Variants in FRMD3 observed in about 807,000 individuals in gnomAD.
FRMD3 encodes the protein FERM domain containing 3.
Under a neutral mutation model 70.2 loss-of-function variants are expected in FRMD3, and 33 were observed. The observed-to-expected ratio is 0.47, with a 90% CI of 0.36 to 0.63. The LOEUF (loss-of-function observed/expected upper bound fraction) is 0.63, where lower values mean the gene tolerates loss of function less well. FRMD3 is among the 20% of genes least tolerant of loss of function. The pLI is 0.00. For synonymous variants in FRMD3, 279 were observed against 255.9 expected, an observed-to-expected ratio of 1.09 and a Z score of -0.86; for missense variants, 632 against 711.4, an observed-to-expected ratio of 0.89 and a Z score of 1.27.
intron 1 of FRMD3, among the ~76,000 whole-genome samples, chr9:83,448,390 AG>A (rs937998981): frequency 1.3e-5 from 2 of 152,176 alleles, no homozygotes; most frequent in African/African-American, 4.8e-5. Flanking sequence ...TGATTCCATG[AG>A]GACTACCCCA....
At chr9:83,463,926 C>T (rs997274741) in intron 1 of FRMD3, among the ~76,000 whole-genome samples, 1 of 152,204 alleles carries the variant, frequency 6.6e-6, no homozygotes, top group Non-Finnish European at 1.5e-5. Flanking sequence ...GTCACTACAT[C>T]TCATAAGAAT....
chr9:83,391,183 T>C (rs1166121498), intron 1 of FRMD3, among the ~76,000 whole-genome samples: 1 of 152,238 alleles, frequency 6.6e-6, no homozygotes, highest in Non-Finnish European at 1.5e-5. Flanking sequence ...AGTTTTTAAC[T>C]TCCTTCCTGA....
At chr9:83,336,714 G>A (rs1034674055) in intron 5 of FRMD3, among the ~76,000 whole-genome samples, 7 of 143,480 alleles carry the variant, frequency 4.9e-5, no homozygotes, top group African/African-American at 1.9e-4. Context: ...TGGCCAAGAG[G>A]CCCCAGAGAA....
rs117143961 is a variant in FRMD3, at chr9:83,353,827, C to T, written c.296-4070G>A. Among the ~76,000 whole-genome samples the T allele has an allele frequency of 6.6e-3, 1,011 of 152,274 alleles. 6 individuals are homozygous for T. Among genetic ancestry groups the T allele is most frequent in the Middle Eastern group, 0.017 (5 of 294 alleles). ...CTTCTAGAGGCAGGATTGATTAGTT[C>T]AATCAGCAATGATCTATTGTTATAG... On this transcript the variant is annotated intron_variant, in intron 3 of 13. Transcript: ENST00000304195.
chr9:83,310,348 T>C (rs752652495), intron 9 of FRMD3, 137 bp downstream of exon 9: 1 of 742,200 alleles, frequency 1.3e-6, no homozygotes, highest in Non-Finnish European at 2.3e-6. Context: ...AAAATATTTT[T>C]AGCATATAGC....
chr9:83,556,728 T>G, the FRMD3 span, among the ~76,000 whole-genome samples: 1 of 152,048 alleles, frequency 6.6e-6, no homozygotes, highest in African/African-American at 2.4e-5. Flanking sequence ...CATTACTTAA[T>G]TCAACTTATT....
In FRMD3 at chr9:83,368,020, A is replaced by G. The variant is rs529746228; in HGVS notation, c.295+4893T>C. On this transcript the variant is annotated intron_variant, in intron 3 of 13. Transcript: ENST00000304195. ...GTTCTTCTATTATATATTGATAAAC[A>G]CAGCAACTTGGGTGAATCTCAGAGT... is the stretch of plus-strand genomic sequence containing the variant. Among the ~76,000 whole-genome samples, 5 of 152,288 alleles carry G rather than the reference A, an allele frequency of 3.3e-5. No homozygotes were observed. The East Asian group carries it at 9.7e-4, about 29-fold the overall frequency.
intron 4 of FRMD3, 85 bp downstream of exon 4, chr9:83,349,594 A>G (rs1824076343): frequency 1.1e-6 from 1 of 906,016 alleles, no homozygotes. Context: ...TCAGCTCTAG[A>G]CAGGAGGCCC....
chr9:83,530,715 T>C (rs1163722218), intron 1 of FRMD3, among the ~76,000 whole-genome samples: 2 of 152,158 alleles, frequency 1.3e-5, no homozygotes, highest in Non-Finnish European at 2.9e-5. Context: ...TTTTTTTTAA[T>C]AGCATGGACT....
At chr9:83,344,485 G>A (rs1587748197) in intron 4 of FRMD3, among the ~76,000 whole-genome samples, 2 of 152,294 alleles carry the variant, frequency 1.3e-5, no homozygotes, top group East Asian at 3.9e-4. Flanking sequence ...TAAAGCAGAT[G>A]ACCCTCCCCA....
chr9:83,375,527 A>C (rs1175259759), intron 2 of FRMD3, among the ~76,000 whole-genome samples: 1 of 152,224 alleles, frequency 6.6e-6, no homozygotes, highest in African/African-American at 2.4e-5. Context: ...AGCCAGCAAT[A>C]ATGTTTCAAG....
intron 3 of FRMD3, among the ~76,000 whole-genome samples, chr9:83,364,125 C>T (rs972835173): frequency 1.2e-4 from 18 of 152,006 alleles, no homozygotes; most frequent in Non-Finnish European, 2.5e-4. Flanking sequence ...TATATTGAGC[C>T]GTTCATCTGT....
chr9:83,260,811 A>G (rs991715734), intron 13 of FRMD3, among the ~76,000 whole-genome samples: 2 of 152,138 alleles, frequency 1.3e-5, no homozygotes, highest in South Asian at 2.1e-4. Flanking sequence ...ATTTAGTAAG[A>G]TAGTATACCA....
chr9:83,406,994 T>C (rs2131330596), intron 1 of FRMD3, among the ~76,000 whole-genome samples: 1 of 152,292 alleles, frequency 6.6e-6, no homozygotes, highest in South Asian at 2.1e-4. Flanking sequence ...TCACCACCTA[T>C]CAAAATTTTG....
chr9:83,421,004 G>A (rs1393109780), intron 1 of FRMD3, among the ~76,000 whole-genome samples: 1 of 141,368 alleles, frequency 7.1e-6, no homozygotes, highest in African/African-American at 2.7e-5. Context: ...GCAGTGGCGC[G>A]ATCTCGGCTC....
At chr9:83,311,400 C>A (rs1411821982) in intron 8 of FRMD3, among the ~76,000 whole-genome samples, 1 of 152,134 alleles carries the variant, frequency 6.6e-6, no homozygotes, top group African/African-American at 2.4e-5. Context: ...CTGATTAGTC[C>A]TCTTATTTGT....
chr9:83,530,542 T>A (rs77363118), intron 1 of FRMD3, among the ~76,000 whole-genome samples: 4,335 of 152,210 alleles, frequency 0.028, 203 homozygotes, highest in African/African-American at 0.098. Flanking sequence ...TTGGGGATGA[T>A]GAAAATATTC....
intron 1 of FRMD3, among the ~76,000 whole-genome samples, chr9:83,511,750 C>A (rs889720037): frequency 7.2e-5 from 11 of 152,198 alleles, no homozygotes; most frequent in African/African-American, 2.7e-4. Flanking sequence ...AAATAATTCA[C>A]AACTGCTCAA....
intron 7 of FRMD3, among the ~76,000 whole-genome samples, chr9:83,313,175 A>G (rs1835428791): frequency 6.6e-6 from 1 of 152,238 alleles, no homozygotes; most frequent in Admixed American, 6.5e-5. Context: ...GGTGAGGTCC[A>G]GGAGATTCTG....
Sources: allele counts gnomAD v4.1 joint callset (sites outside exome capture counted in the v4.1 genomes callset), GRCh38; gene constraint gnomAD v4.1.1; transcripts MANE v1.5; gene names NCBI Gene and HGNC (gene_info 2026-07-23, HGNC 2026-07-21).